Variants in TEAD1 observed in about 807,000 individuals in gnomAD.
The protein encoded by TEAD1 is transcriptional enhancer factor TEF-1.
Under a neutral mutation model 54.9 loss-of-function variants are expected in TEAD1, and 9 were observed. The ratio of observed to expected loss-of-function variants is 0.16; its 90% CI spans 0.10 to 0.29. The LOEUF (loss-of-function observed/expected upper bound fraction) is 0.29. TEAD1 is among the 10% of genes least tolerant of loss of function. TEAD1 has a pLI of 1.00. For missense variants in TEAD1, 387 were observed against 535.9 expected, an observed-to-expected ratio of 0.72 and a Z score of 2.74; for synonymous variants, 200 against 187.8, an observed-to-expected ratio of 1.07 and a Z score of -0.53.
chr11:12,683,150 A>G (rs1315765588), intron 2 of TEAD1, among the ~76,000 whole-genome samples: 1 of 152,182 alleles, frequency 6.6e-6, no homozygotes, highest in Non-Finnish European at 1.5e-5. Flanking sequence ...TTTCCTTTTT[A>G]TGTAGGCATA....
At chr11:12,831,421 G>A (rs1358345177) in intron 3 of TEAD1, among the ~76,000 whole-genome samples, 1 of 152,116 alleles carries the variant, frequency 6.6e-6, no homozygotes, top group African/African-American at 2.4e-5. Context: ...AACTCCTTGA[G>A]GGCAGATGCT....
At chr11:12,881,618 C>T (rs1947969794) in intron 7 of TEAD1, among the ~76,000 whole-genome samples, 1 of 152,236 alleles carries the variant, frequency 6.6e-6, no homozygotes, top group Non-Finnish European at 1.5e-5. Flanking sequence ...TGCTTGACCT[C>T]AGAGGTTCAA....
chr11:12,935,074 G>A (rs749250244), intron 12 of TEAD1, among the ~76,000 whole-genome samples: 14 of 152,124 alleles, frequency 9.2e-5, no homozygotes, highest in African/African-American at 1.4e-4. Flanking sequence ...CAGGTGGGCC[G>A]CCATCCTGGG....
At chr11:12,925,580 T>G (rs1438784113) in intron 11 of TEAD1, among the ~76,000 whole-genome samples, 1 of 152,184 alleles carries the variant, frequency 6.6e-6, no homozygotes, top group Non-Finnish European at 1.5e-5. Context: ...CCAAAGTGAT[T>G]TGGAAGCACC....
intron 3 of TEAD1, among the ~76,000 whole-genome samples, chr11:12,816,539 G>A (rs981606722): frequency 2.6e-5 from 4 of 152,166 alleles, no homozygotes; most frequent in Non-Finnish European, 4.4e-5. Flanking sequence ...CTTATTAGGG[G>A]CATTTCCACA....
intron 3 of TEAD1, among the ~76,000 whole-genome samples, chr11:12,777,699 G>T (rs1486713999): frequency 2.0e-5 from 3 of 152,180 alleles, no homozygotes; most frequent in African/African-American, 7.2e-5. Flanking sequence ...ACTAAGATGT[G>T]CCCTTGTATT....
At chr11:12,895,456 G>A (rs1473040744) in intron 9 of TEAD1, among the ~76,000 whole-genome samples, 4 of 152,180 alleles carry the variant, frequency 2.6e-5, no homozygotes, top group Non-Finnish European at 4.4e-5. Flanking sequence ...CTGCAGACAA[G>A]CGTCCCAGCT....
chr11:12,799,679 C>G (rs1590163760), intron 3 of TEAD1, among the ~76,000 whole-genome samples: 2 of 152,200 alleles, frequency 1.3e-5, no homozygotes, highest in East Asian at 3.8e-4. Flanking sequence ...AGAGACTGAA[C>G]ATATCCTTAA....
intron 12 of TEAD1, among the ~76,000 whole-genome samples, chr11:12,935,052 T>G (rs537416211): frequency 6.6e-6 from 1 of 152,250 alleles, no homozygotes; most frequent in South Asian, 2.1e-4. Flanking sequence ...TGGGGTGCTA[T>G]GGTGAATTAG....
chr11:12,708,133 C>T (rs972465146), intron 2 of TEAD1, among the ~76,000 whole-genome samples: 2 of 151,828 alleles, frequency 1.3e-5, no homozygotes, highest in South Asian at 4.2e-4. Context: ...TGCTCACTCA[C>T]AGGTGTCTCG....
At chr11:12,735,256 A>T (rs1944505999) in intron 2 of TEAD1, among the ~76,000 whole-genome samples, 1 of 152,178 alleles carries the variant, frequency 6.6e-6, no homozygotes, top group Non-Finnish European at 1.5e-5. Context: ...TAGCCAGTAG[A>T]TTCTGTCTTC....
intron 2 of TEAD1, among the ~76,000 whole-genome samples, chr11:12,739,573 T>G (rs1003979149): frequency 1.3e-5 from 2 of 152,182 alleles, no homozygotes; most frequent in African/African-American, 4.8e-5. Flanking sequence ...CTTAGCATAA[T>G]CTCCACAAGA....
At chr11:12,884,007 AAAG>A (rs1189223662) in intron 9 of TEAD1, among the ~76,000 whole-genome samples, 25 of 151,340 alleles carry the variant, frequency 1.7e-4, no homozygotes, top group African/African-American at 5.1e-4. Flanking sequence ...AAAAAAAAAA[AAAG>A]AAGAAGTAAC....
chr11:12,723,595 C>T (rs1944255672), intron 2 of TEAD1, among the ~76,000 whole-genome samples: 1 of 152,118 alleles, frequency 6.6e-6, no homozygotes, highest in South Asian at 2.1e-4. Flanking sequence ...TTAGATTCTC[C>T]TTTGTTCTTT....
At chr11:12,725,535 C>T (rs952504922) in intron 2 of TEAD1, among the ~76,000 whole-genome samples, 3 of 152,068 alleles carry the variant, frequency 2.0e-5, no homozygotes, top group Non-Finnish European at 4.4e-5. Flanking sequence ...AATTCCCTGA[C>T]TTGATCATTA....
intron 2 of TEAD1, among the ~76,000 whole-genome samples, chr11:12,687,830 C>A (rs1390542045): frequency 6.6e-6 from 1 of 152,108 alleles, no homozygotes; most frequent in Non-Finnish European, 1.5e-5. Context: ...GGGACCAGTA[C>A]CCCTCACCCC....
At chr11:12,762,251 A>G (rs1048604352) in intron 2 of TEAD1, among the ~76,000 whole-genome samples, 1 of 152,054 alleles carries the variant, frequency 6.6e-6, no homozygotes, top group African/African-American at 2.4e-5. Context: ...TATGGTGGAG[A>G]GGAAGAAGGT....
intron 3 of TEAD1, among the ~76,000 whole-genome samples, chr11:12,855,227 C>T (rs1409262678): frequency 1.3e-5 from 2 of 151,918 alleles, no homozygotes; most frequent in Admixed American, 1.3e-4. Flanking sequence ...CCTCAGTGTC[C>T]CCTTCATCTA....
At chr11:12,901,755 A>G (rs1408568109) in intron 9 of TEAD1, among the ~76,000 whole-genome samples, 185 bp from the exon 10 acceptor site, 2 of 152,288 alleles carry the variant, frequency 1.3e-5, no homozygotes, top group African/African-American at 4.8e-5. Context: ...AAAAGCAATG[A>G]TTGTCTCAAC....
Sources: gnomAD v4.1 joint callset for allele counts (sites outside exome capture counted in the v4.1 genomes callset) on GRCh38, gnomAD v4.1.1 for gene constraint, MANE v1.5 for transcripts, NCBI Gene and HGNC (gene_info 2026-07-23, HGNC 2026-07-21) for gene names.